The following ATXN1 variants were observed in gnomAD, a reference collection of about 807,000 sequenced individuals.
The protein encoded by ATXN1 is ataxin-1.
ATXN1 carries 8 observed loss-of-function variants against 56.4 expected under a neutral mutation model. That is an observed-to-expected ratio of 0.14 (90% CI 0.08 to 0.26). ATXN1 has a LOEUF of 0.26. Among genes scored for constraint, ATXN1 ranks in the 10% least tolerant of loss-of-function variants. ATXN1 has a pLI of 1.00. For synonymous variants in ATXN1, 514 were observed against 494.6 expected, an observed-to-expected ratio of 1.04 and a Z score of -0.52; for missense variants, 987 against 1,106.5, an observed-to-expected ratio of 0.89 and a Z score of 1.53.
intron 6 of ATXN1, among the ~76,000 whole-genome samples, chr6:16,353,600 G>A (rs969760587): frequency 6.6e-6 from 1 of 152,198 alleles, no homozygotes; most frequent in African/African-American, 2.4e-5. Context: ...CTTGAACCTG[G>A]GAGGCGGAGG....
At chr6:16,348,672 G>A (rs1429946219) in intron 6 of ATXN1, among the ~76,000 whole-genome samples, 12 of 152,008 alleles carry the variant, frequency 7.9e-5, no homozygotes, top group Non-Finnish European at 1.8e-4. Flanking sequence ...TCTAGCCTGG[G>A]CGACAGGAGT....
At chr6:16,717,998 AT>A (rs1759672654) in intron 2 of ATXN1, among the ~76,000 whole-genome samples, 3 of 152,226 alleles carry the variant, frequency 2.0e-5, no homozygotes, top group African/African-American at 7.2e-5. Context: ...CTGGCACAAG[AT>A]TTAATTAAGT....
intron 1 of ATXN1, among the ~76,000 whole-genome samples, chr6:16,755,192 C>G (rs939399019): frequency 2.0e-5 from 3 of 152,228 alleles, no homozygotes; most frequent in Non-Finnish European, 2.9e-5. Context: ...TAGAAGATTA[C>G]TTTACTCTTG....
chr6:16,610,099 T>C (rs934059987), intron 3 of ATXN1, among the ~76,000 whole-genome samples: 1 of 151,686 alleles, frequency 6.6e-6, no homozygotes, highest in Admixed American at 6.6e-5. Flanking sequence ...ATGAAAAGTA[T>C]AAACAAATCA....
chr6:16,549,634 A>G (rs1190629229), intron 4 of ATXN1, among the ~76,000 whole-genome samples: 1 of 152,116 alleles, frequency 6.6e-6, no homozygotes, highest in Non-Finnish European at 1.5e-5. Flanking sequence ...GCAGCGGCTT[A>G]CGCCTGTAAT....
At chr6:16,564,228 T>C (rs771716600) in intron 4 of ATXN1, among the ~76,000 whole-genome samples, 3 of 152,134 alleles carry the variant, frequency 2.0e-5, no homozygotes, top group Admixed American at 6.5e-5. Flanking sequence ...TCTACAACTA[T>C]GTTCTCAAGA....
At chr6:16,439,381 GAATA>G (rs1561896220) in intron 6 of ATXN1, among the ~76,000 whole-genome samples, 10 of 12,770 alleles carry the variant, frequency 7.8e-4, no homozygotes, top group African/African-American at 2.2e-3. Flanking sequence ...GGCGGGGCGG[GAATA>G]AGGGTTGGGG....
At chr6:16,619,931 G>C (rs536512036) in intron 3 of ATXN1, among the ~76,000 whole-genome samples, 10 of 151,432 alleles carry the variant, frequency 6.6e-5, no homozygotes, top group Non-Finnish European at 1.3e-4. Context: ...TTTAAGATCT[G>C]CCACCTTGGG....
chr6:16,629,584 CT>C (rs1294829048), intron 3 of ATXN1, among the ~76,000 whole-genome samples: 1 of 152,056 alleles, frequency 6.6e-6, no homozygotes, highest in African/African-American at 2.4e-5. Context: ...CCACCTTGGC[CT>C]TTCAAAGTGC....
chr6:16,535,391 TAAA>T (rs753092192), intron 4 of ATXN1, among the ~76,000 whole-genome samples: 2 of 151,968 alleles, frequency 1.3e-5, no homozygotes, highest in Non-Finnish European at 2.9e-5. Flanking sequence ...GCTAAATAGA[TAAA>T]TCAATACCCC....
chr6:16,348,502 C>T (rs996262053), intron 6 of ATXN1, among the ~76,000 whole-genome samples: 1 of 152,094 alleles, frequency 6.6e-6, no homozygotes, highest in Admixed American at 6.5e-5. Flanking sequence ...AGTTCGAGAC[C>T]AGCCTGGTCA....
intron 3 of ATXN1, among the ~76,000 whole-genome samples, chr6:16,618,488 T>A (rs764044374): frequency 2.6e-5 from 4 of 152,174 alleles, no homozygotes; most frequent in Non-Finnish European, 4.4e-5. Context: ...CCCAGCACTT[T>A]GGGAGGCCGA....
At position 16,320,865 on chromosome 6, in the gene ATXN1, G is replaced by A. The variant is rs573344944; in HGVS notation, c.1917+5529C>T. ...GGAAGGGTGCTCGCCTCGGCCACTC[G>A]CGGGATTCCACCCCGAGGATTACAG... On this transcript the variant is annotated intron_variant, in intron 7 of 7. Coordinates refer to ENST00000436367, the MANE Select transcript of ATXN1 (RefSeq NM_001128164.2). Among the ~76,000 whole-genome samples the A allele has an allele frequency of 9.2e-5, 14 of 152,328 alleles. No homozygotes were observed. The South Asian group carries it at 2.7e-3, about 29-fold the overall frequency.
intron 6 of ATXN1, among the ~76,000 whole-genome samples, chr6:16,466,238 C>G (rs1194691864): frequency 1.4e-5 from 2 of 147,262 alleles, no homozygotes; most frequent in Non-Finnish European, 3.0e-5. Context: ...TCGCTTGTAC[C>G]CAGGCGGGGG....
chr6:16,685,965 T>C (rs1464731983), intron 2 of ATXN1, among the ~76,000 whole-genome samples: 2 of 152,226 alleles, frequency 1.3e-5, no homozygotes, highest in Admixed American at 1.3e-4. Flanking sequence ...ATTAATATGG[T>C]TTCATATATT....
At chr6:16,508,379 C>A (rs900909877) in intron 5 of ATXN1, among the ~76,000 whole-genome samples, 6 of 152,042 alleles carry the variant, frequency 3.9e-5, no homozygotes, top group African/African-American at 1.2e-4. Context: ...AAGCACAAAT[C>A]TGATGGTTTA....
rs544702226 is a variant in ATXN1, at chr6:16,347,197, A to C, written c.-160-18727T>G. On this transcript the variant is annotated intron_variant, in intron 6 of 7. Coordinates refer to ENST00000436367, the MANE Select transcript of ATXN1 (RefSeq NM_001128164.2). ...CCCCTGCTCCACAGCGCCCAGTCCCATCGACCACCCAAGGACTGAGGAGTG... is the reference window on the plus strand; with the variant it reads ...CCCCTGCTCCACAGCGCCCAGTCCCCTCGACCACCCAAGGACTGAGGAGTG... Among the ~76,000 whole-genome samples, 4 of 152,328 alleles carry C rather than the reference A, an allele frequency of 2.6e-5. No individual in the cohort carries two copies. In the East Asian group the frequency reaches 5.8e-4, roughly 22 times the overall value.
At chr6:16,613,200 G>C (rs1224930123) in intron 3 of ATXN1, among the ~76,000 whole-genome samples, 1 of 145,424 alleles carries the variant, frequency 6.9e-6, no homozygotes, top group Non-Finnish European at 1.5e-5. Context: ...GGGAAGCGGA[G>C]CTTGCAGTGA....
chr6:16,602,455 CTTTTT>C (rs779197941), intron 3 of ATXN1, among the ~76,000 whole-genome samples: 1 of 139,828 alleles, frequency 7.2e-6, no homozygotes, highest in Non-Finnish European at 1.6e-5. Context: ...AGCCAAAATT[CTTTTT>C]TTTTTTTTTT....
Sources: allele counts gnomAD v4.1 joint callset (sites outside exome capture counted in the v4.1 genomes callset), GRCh38; gene constraint gnomAD v4.1.1; transcripts MANE v1.5; gene names NCBI Gene and HGNC (gene_info 2026-07-23, HGNC 2026-07-21).